REPS1: variants seen among roughly 807,000 people sequenced by gnomAD.
REPS1 encodes the protein ralBP1-associated Eps domain-containing protein 1.
In REPS1, 39 loss-of-function variants were observed where a neutral mutation model predicts 100.9. That is an observed-to-expected ratio of 0.39 (90% CI 0.30 to 0.50). The LOEUF is 0.50. REPS1 is among the 20% of genes least tolerant of loss of function. The probability of loss-of-function intolerance (pLI) is 0.86; values close to 1 mark genes in which losing one functional copy is unlikely to be tolerated. For missense variants in REPS1, 821 were observed against 968.5 expected (o/e 0.85, Z 2.02); for synonymous variants, 324 against 340.3 (o/e 0.95, Z 0.53).
chr6:138,945,479 A>G (rs758959878), intron 3 of REPS1, 22 bp downstream of exon 3: 64 of 1,586,444 alleles, frequency 4.0e-5, no homozygotes, highest in South Asian at 1.5e-4. Flanking sequence ...TCAACTGCTA[A>G]TATTTACATG....
At chr6:138,949,230 T>C (rs529676566) in intron 1 of REPS1, among the ~76,000 whole-genome samples, 10 of 152,316 alleles carry the variant, frequency 6.6e-5, no homozygotes, top group Admixed American at 2.0e-4. Context: ...GTATGGTTTG[T>C]TGACATTTTG....
intron 1 of REPS1, among the ~76,000 whole-genome samples, chr6:138,961,014 T>C (rs1370650946): frequency 2.6e-5 from 4 of 152,188 alleles, no homozygotes; most frequent in Non-Finnish European, 5.9e-5. Flanking sequence ...GCCCACTTCC[T>C]TCATTTTCAA....
At position 138,985,068 on chromosome 6, in the gene REPS1, T is replaced by C. The variant is rs143303233; in HGVS notation, c.153+2462A>G. On this transcript the variant is annotated intron_variant, in intron 1 of 19. Transcript: ENST00000450536. The stretch of plus-strand genomic sequence containing the variant: ...TCCATTGCTTGCTGAAATATCGTTA[T>C]CTGCTGCCCTTCTTCAGAGTCTTTC... 6.3e-4 allele frequency among the ~76,000 whole-genome samples: 96 copies of C among 152,342 alleles called. 1 individual carries two copies. Among genetic ancestry groups the C allele is most frequent in the African/African-American group, 2.2e-3 (90 of 41,564 alleles).
chr6:138,984,567 A>C (rs982249218), intron 1 of REPS1, among the ~76,000 whole-genome samples: 4 of 148,996 alleles, frequency 2.7e-5, no homozygotes, highest in Non-Finnish European at 5.9e-5. Context: ...CCCTCTAGTT[A>C]TGACAATCAA....
At chr6:138,933,282 T>G (rs1189749889) in intron 8 of REPS1, among the ~76,000 whole-genome samples, 1 of 152,192 alleles carries the variant, frequency 6.6e-6, no homozygotes, top group Non-Finnish European at 1.5e-5. Context: ...CTATTTTAGG[T>G]TTTGTGGCTA....
chr6:138,907,610 T>C lies in REPS1; in HGVS notation c.2217-10A>G, dbSNP rs370689618. On this transcript the variant is annotated splice_polypyrimidine_tract_variant and intron_variant, in intron 18 of 19. Transcript: ENST00000450536. Reference sequence around the variant, plus strand: ...ATCTTTCCCAACAGATCTGAGAAGATAAAGAAGGCAAAAAAACCCATAACC... The same window carrying C: ...ATCTTTCCCAACAGATCTGAGAAGACAAAGAAGGCAAAAAAACCCATAACC... The C allele has an allele frequency of 1.6e-5, 25 of 1,559,316 alleles. No homozygotes were observed. The highest frequency in any genetic ancestry group is 2.1e-5 in the Non-Finnish European group (24 of 1,132,028).
At chr6:138,943,465 C>T in intron 7 of REPS1, 48 bp downstream of exon 7, 1 of 1,170,756 alleles carries the variant, frequency 8.5e-7, no homozygotes, top group Non-Finnish European at 1.3e-6. Context: ...CTGCTAGAAA[C>T]TCCTTGGAAG....
At chr6:138,946,291 C>G (rs1216792781) in intron 2 of REPS1, among the ~76,000 whole-genome samples, 1 of 152,120 alleles carries the variant, frequency 6.6e-6, no homozygotes, top group Non-Finnish European at 1.5e-5. Flanking sequence ...TTCTATCTAT[C>G]CACTGTAGTC....
In REPS1 at chr6:138,938,502, T is replaced by C. The variant is rs553557488; in HGVS notation, c.1135+2833A>G. Reference sequence around the variant, plus strand: ...AAACGTCAAGAAAAATATCTTCCTTTGAAAATGGCACACATGTAGAATTAA... The same window carrying C: ...AAACGTCAAGAAAAATATCTTCCTTCGAAAATGGCACACATGTAGAATTAA... On this transcript the variant is annotated intron_variant, in intron 8 of 19. Coordinates refer to ENST00000450536, the MANE Select transcript of REPS1 (RefSeq NM_001286611.2). Among the ~76,000 whole-genome samples, 8 of 152,332 alleles carry C rather than the reference T, an allele frequency of 5.3e-5. No homozygotes were observed. The East Asian group carries it at 1.5e-3, about 29-fold the overall frequency.
In REPS1 at chr6:138,908,884, C is replaced by T. The variant is rs1190810227; in HGVS notation, c.2068-68G>A. On this transcript the variant is annotated intron_variant, in intron 17 of 19. Coordinates refer to ENST00000450536, the MANE Select transcript of REPS1 (RefSeq NM_001286611.2). ...CATTCATAGTTAGCACTTTGCAACACCATTTGCTTTCTTTAAGCCATTTGC... is the reference window on the plus strand; with the variant it reads ...CATTCATAGTTAGCACTTTGCAACATCATTTGCTTTCTTTAAGCCATTTGC... 4 of 1,443,052 alleles carry T rather than the reference C, an allele frequency of 2.8e-6. No homozygotes were observed. The East Asian group carries it at 7.1e-5, about 25-fold the overall frequency. The allele number at this position is 1,443,052 out of a possible 1,614,324, so 89.4% of individuals were successfully genotyped here.
In REPS1 at chr6:138,912,928, C is replaced by T. The variant is rs557942864; in HGVS notation, c.1808G>A (p.Arg603His). The change falls in exon 16 of 20, where the codon CGC (arginine) becomes CAC (histidine). Residue 603 changes from arginine to histidine, a missense_variant. Physicochemically the swap from Arg to His is conservative, Grantham distance 29 (BLOSUM62 0). Coordinates refer to ENST00000450536, the MANE Select transcript of REPS1 (RefSeq NM_001286611.2). ...PSQAPGPAVH[R>H]PVDADGLITH... Reference sequence around the variant, plus strand: ...TATGAGGCCATCGGCATCCACTGGGCGATGCACAGCAGGACCAGGAGCCTG... The same window carrying T: ...TATGAGGCCATCGGCATCCACTGGGTGATGCACAGCAGGACCAGGAGCCTG... 61 of 1,613,748 alleles carry T rather than the reference C, an allele frequency of 3.8e-5. No individual in the cohort carries two copies. Among genetic ancestry groups the T allele is most frequent in the South Asian group, 2.5e-4 (23 of 91,044 alleles).
At chr6:138,973,085 A>G (rs907248531) in intron 1 of REPS1, among the ~76,000 whole-genome samples, 1 of 152,210 alleles carries the variant, frequency 6.6e-6, no homozygotes, top group Non-Finnish European at 1.5e-5. Context: ...ATCAAGGGAA[A>G]CAGATACACA....
At chr6:138,907,895 T>C (rs114878075) in intron 18 of REPS1, among the ~76,000 whole-genome samples, 164 of 152,258 alleles carry the variant, frequency 1.1e-3, no homozygotes, top group African/African-American at 3.7e-3. Context: ...AAAAACCAGA[T>C]AGTAAATAAT....
chr6:138,974,089 C>A (rs1784473707), intron 1 of REPS1, among the ~76,000 whole-genome samples: 1 of 151,998 alleles, frequency 6.6e-6, no homozygotes, highest in Non-Finnish European at 1.5e-5. Flanking sequence ...AGCACAGCAG[C>A]TGTTGAATGG....
At chr6:138,932,409 GC>G (rs1705951382) in intron 8 of REPS1, among the ~76,000 whole-genome samples, 1 of 152,004 alleles carries the variant, frequency 6.6e-6, no homozygotes, top group South Asian at 2.1e-4. Flanking sequence ...CAAGGCAGTG[GC>G]GACAAAATAT....
intron 1 of REPS1, among the ~76,000 whole-genome samples, chr6:138,952,691 C>T (rs904724346): frequency 2.6e-5 from 4 of 152,106 alleles, no homozygotes; most frequent in African/African-American, 4.8e-5. Flanking sequence ...TGAGCCACCA[C>T]ACCCAGCCTA....
chr6:138,906,581 T>C (rs1442544112), intron 19 of REPS1, among the ~76,000 whole-genome samples: 1 of 152,222 alleles, frequency 6.6e-6, no homozygotes, highest in Non-Finnish European at 1.5e-5. Flanking sequence ...GTGTCACAGA[T>C]AATAATTCCA....
In REPS1 at chr6:138,932,487, TATAA is replaced by T. The variant is rs552133522; in HGVS notation, c.1136-2393_1136-2390del. Among the ~76,000 whole-genome samples, 1,113 of 148,768 alleles carry T rather than the reference TATAA, an allele frequency of 7.5e-3. 6 individuals are homozygous for T. The highest frequency in any genetic ancestry group is 0.011 in the Non-Finnish European group (750 of 67,490). On this transcript the variant is annotated intron_variant, in intron 8 of 19. Transcript: ENST00000450536. ...CCCCCCCACATACATAAGCATTAAA[TATAA>T]ATAAATATGCATGCTGATCTCACTT...
In REPS1 at chr6:138,974,593, C is replaced by T. The variant is rs114423145; in HGVS notation, c.153+12937G>A. ...TAAGATTCAAGTCTTTGGAGGCTGA[C>T]CTAATTTCAGATGAAGAGACATTAT... On this transcript the variant is annotated intron_variant, in intron 1 of 19. Transcript: ENST00000450536. Among the ~76,000 whole-genome samples, 1,154 of 152,212 alleles carry T rather than the reference C, an allele frequency of 7.6e-3. 9 individuals carry two copies. The highest frequency in any genetic ancestry group is 0.026 in the African/African-American group (1,065 of 41,516).
Sources: gnomAD v4.1 joint callset for allele counts (sites outside exome capture counted in the v4.1 genomes callset) on GRCh38, gnomAD v4.1.1 for gene constraint, MANE v1.5 for transcripts, NCBI Gene and HGNC (gene_info 2026-07-23, HGNC 2026-07-21) for gene names.